Variants in SCN3A observed in about 807,000 individuals in gnomAD.
SCN3A encodes sodium voltage-gated channel alpha subunit 3.
In SCN3A, 60 loss-of-function variants were observed where a neutral mutation model predicts 187.6. The observed-to-expected ratio is 0.32, with a 90% CI of 0.26 to 0.40. The LOEUF is 0.40. Ranked by LOEUF, SCN3A falls within the 10% of genes least tolerant of loss-of-function variation. SCN3A has a pLI of 1.00. For synonymous variants in SCN3A, 788 were observed against 829.2 expected, an observed-to-expected ratio of 0.95 and a Z score of 0.85; for missense variants, 1,601 against 2,428.2, an observed-to-expected ratio of 0.66 and a Z score of 7.16.
At chr2:165,166,830 CTTCATAATGGGTATAA>C (rs1689788502) in intron 5 of SCN3A, among the ~76,000 whole-genome samples, 1 of 152,056 alleles carries the variant, frequency 6.6e-6, no homozygotes, top group Admixed American at 6.6e-5. Context: ...CTAAGACTGC[CTTCATAATGGGTATAA>C]TCATCTCTAA....
At chr2:165,191,855 ACATAG>A (rs1440704442) in intron 1 of SCN3A, among the ~76,000 whole-genome samples, 1 of 152,172 alleles carries the variant, frequency 6.6e-6, no homozygotes, top group Non-Finnish European at 1.5e-5. Flanking sequence ...CAGTACACGC[ACATAG>A]TAGTGCTCAA....
At position 165,127,859 on chromosome 2, in the gene SCN3A, A is replaced by C; in HGVS notation, c.3165T>G (p.Ile1055Met). The C allele has an allele frequency of 6.2e-7, 1 of 1,614,164 alleles. No homozygotes were observed. The highest frequency in any genetic ancestry group is 1.7e-5 in the Admixed American group (1 of 60,022). Residue 1055 changes from isoleucine (I) to methionine (M), a missense_variant, in exon 18 of 28, where the codon ATT becomes ATG. Around this residue, in one of 11 missense-constraint regions of SCN3A, gnomAD observed 267 missense variants for 313.2 expected, o/e 0.85. Coordinates refer to ENST00000283254, the MANE Select transcript of SCN3A (RefSeq NM_006922.4). The stretch of plus-strand genomic sequence containing the variant: ...GATAATTAAGCTCTTTGCTTATTTC[A>C]ATTCCAGTATTATTGGACATGCAGC... ...IDSCMSNNTG[I>M]EISKELNYLR...
At chr2:165,094,934 G>A (rs921273617) in intron 25 of SCN3A, among the ~76,000 whole-genome samples, 3 of 152,118 alleles carry the variant, frequency 2.0e-5, no homozygotes, top group Admixed American at 2.0e-4. Context: ...AGTGTATGTT[G>A]ATATGACAAA....
chr2:165,177,893 G>C (rs1457287609), intron 2 of SCN3A, among the ~76,000 whole-genome samples: 1 of 152,024 alleles, frequency 6.6e-6, no homozygotes, highest in Admixed American at 6.6e-5. Context: ...AATAAAATAA[G>C]TACATCAGTC....
Position 165,140,520 on chromosome 2 carries a change from A to G in SCN3A, c.2019+131T>C. On this transcript the variant is annotated intron_variant, in intron 13 of 27. Coordinates refer to ENST00000283254, the MANE Select transcript of SCN3A (RefSeq NM_006922.4). This position sits in a 1 kb window ranked among gnomAD's most constrained non-coding sequence, Gnocchi z 4.2. Reference sequence around the variant, plus strand: ...TCAATATTCTATTGTTTTCCCTTTGATTAATCATGTATTATTTTTACCAAC... The same window carrying G: ...TCAATATTCTATTGTTTTCCCTTTGGTTAATCATGTATTATTTTTACCAAC... The G allele has an allele frequency of 1.3e-6, 1 of 761,312 alleles. No individual in the cohort carries two copies. The highest frequency in any genetic ancestry group is 2.3e-6 in the Non-Finnish European group (1 of 433,720). 47.2% of individuals were successfully genotyped at this position (761,312 alleles called of 1,614,324 possible). A position where few individuals can be genotyped will look rare whatever the true frequency, so the allele number is the denominator to read the frequency against.
chr2:165,177,858 A>G (rs1359353580), intron 2 of SCN3A, among the ~76,000 whole-genome samples: 1 of 152,244 alleles, frequency 6.6e-6, no homozygotes, highest in Non-Finnish European at 1.5e-5. Flanking sequence ...CAAGATAGAT[A>G]GAATATAGAA....
chr2:165,168,415 C>T (rs1188740460), intron 5 of SCN3A, among the ~76,000 whole-genome samples: 1 of 151,900 alleles, frequency 6.6e-6, no homozygotes, highest in Admixed American at 6.6e-5. Context: ...CATCAAATTA[C>T]TGAACTGATC....
chr2:165,115,568 T>C lies in SCN3A; in HGVS notation c.3401A>G (p.Asn1134Ser). 1 of 1,613,872 alleles carries C rather than the reference T, an allele frequency of 6.2e-7. No individual in the cohort carries two copies. Among genetic ancestry groups the C allele is most frequent in the Non-Finnish European group, 8.5e-7 (1 of 1,179,826 alleles). Residue 1134 changes from asparagine (N) to serine (S), a missense_variant, in exon 19 of 28, where the codon AAT becomes AGT. Physicochemically the swap from Asn to Ser is conservative, Grantham distance 46. Transcript: ENST00000283254. ...SELEESKEKL[N>S]ATSSSEGSTV... is the part of the protein sequence containing the mutation. ...GCTTCCTTCAGATGAGCTGGTTGCA[T>C]TTAATTTCTGGAAACAAAATCCCAT...
Position 165,153,987 on chromosome 2 carries a change from A to ATTTTTTTTTTTTTTTTTT in SCN3A, c.1380+447_1380+464dup, listed in dbSNP as rs71393659. Among the ~76,000 whole-genome samples, 12 of 92,768 alleles carry ATTTTTTTTTTTTTTTTTT rather than the reference A, an allele frequency of 1.3e-4. 2 individuals carry two copies. Among genetic ancestry groups the ATTTTTTTTTTTTTTTTTT allele is most frequent in the African/African-American group, 5.2e-4 (11 of 21,258 alleles). The allele number at this position is 92,768 out of a possible 152,430, so 60.9% of individuals were successfully genotyped here. A position where few individuals can be genotyped will look rare whatever the true frequency, so the allele number is the denominator to read the frequency against. ...TATCCTGATGTGGGCTATAGCAAAC[A>ATTTTTTTTTTTTTTTTTT]TTTTTTTTTTTTTTTTTTTTTGCTA... is the stretch of plus-strand genomic sequence containing the variant. On this transcript the variant is annotated intron_variant, in intron 11 of 27. Transcript: ENST00000283254.
chr2:165,092,377 T>A lies in SCN3A; in HGVS notation c.4684A>T (p.Asn1562Tyr). 1.9e-6 allele frequency: 3 copies of A among 1,613,994 alleles called. No individual in the cohort carries two copies. The highest frequency in any genetic ancestry group is 2.5e-6 in the Non-Finnish European group (3 of 1,179,950). Residue 1562 changes from asparagine (N) to tyrosine (Y), a missense_variant, in exon 27 of 28, where the codon AAC becomes TAC. Asn to Tyr is a moderately radical substitution (Grantham distance 143). Transcript: ENST00000283254. The surrounding 1 kb of genome is among the most constrained non-coding windows in gnomAD (Gnocchi z 4.2). ...GTGAACAGAACAATGAACACTAGGT[T>A]GATCCGGGACAAAACTAGGGTCATG... ...KYMTLVLSRI[N>Y]LVFIVLFTGE... is the part of the protein sequence containing the mutation.
At chr2:165,197,032 A>G (rs957333455) in intron 1 of SCN3A, among the ~76,000 whole-genome samples, 11 of 152,264 alleles carry the variant, frequency 7.2e-5, no homozygotes, top group African/African-American at 2.6e-4. Context: ...TTAGCTTGCA[A>G]AATATACCAT....
chr2:165,096,317 G>C (rs1685362219), intron 24 of SCN3A, 150 bp downstream of exon 24: 1 of 635,780 alleles, frequency 1.6e-6, no homozygotes, highest in Admixed American at 2.6e-5. Context: ...CATTAATCAA[G>C]CATCATCTAT....
rs754912673 is a variant in SCN3A, at chr2:165,176,420, G to T, written c.-26C>A. 4 of 1,613,674 alleles carry T rather than the reference G, an allele frequency of 2.5e-6. No individual in the cohort carries two copies. The Admixed American group carries it at 5.0e-5, about 20-fold the overall frequency. On this transcript the variant is annotated 5_prime_UTR_variant, in exon 3 of 28. Transcript: ENST00000283254. ...CTTTTCATCCTGCACATTTAATTACGTGTAGCTTCTTGCATACGAATTACC... is the reference window on the plus strand; with the variant it reads ...CTTTTCATCCTGCACATTTAATTACTTGTAGCTTCTTGCATACGAATTACC...
rs1574199266 is a variant in SCN3A at position 165,140,696 on chromosome 2, A to C, written c.1974T>G (p.Gly658=). ...TAGGTGACGTTAGAGCTGAAGGTCC[A>C]CCCACCAAGGAAACCACACCATTGC... ...VDCNGVVSLV[G]GPSALTSPTG... The change falls in exon 13 of 28, where the codon GGT becomes GGG. Residue 658 remains glycine, a synonymous_variant. Coordinates refer to ENST00000283254, the MANE Select transcript of SCN3A (RefSeq NM_006922.4). This position sits in a 1 kb window ranked among gnomAD's most constrained non-coding sequence, Gnocchi z 4.2. 1 of 1,613,962 alleles carries C rather than the reference A, an allele frequency of 6.2e-7. No homozygotes were observed. Among genetic ancestry groups the C allele is most frequent in the Non-Finnish European group, 8.5e-7 (1 of 1,179,982 alleles).
intron 12 of SCN3A, among the ~76,000 whole-genome samples, chr2:165,143,287 C>A (rs1008813267): frequency 2.6e-5 from 4 of 152,078 alleles, no homozygotes; most frequent in Admixed American, 6.5e-5. Context: ...AGTATAATCA[C>A]CTCAATACAC....
intron 26 of SCN3A, chr2:165,093,940 T>A: frequency 5.1e-6 from 1 of 196,612 alleles, no homozygotes; most frequent in Non-Finnish European, 1.1e-5. Flanking sequence ...TGTTTTGGTG[T>A]ATTTGGTGAA....
intron 10 of SCN3A, among the ~76,000 whole-genome samples, 192 bp from the exon 11 acceptor site, chr2:165,154,850 A>C (rs773839148): frequency 3.3e-5 from 5 of 152,194 alleles, no homozygotes; most frequent in Non-Finnish European, 7.4e-5. Context: ...GCTTGACTGC[A>C]GTCTTGTTGG....
intron 22 of SCN3A, among the ~76,000 whole-genome samples, chr2:165,099,219 C>T (rs956252399): frequency 1.3e-5 from 2 of 152,132 alleles, no homozygotes; most frequent in South Asian, 2.1e-4. Context: ...TATCCACATG[C>T]ACTCACAAGC....
Position 165,170,412 on chromosome 2 carries a change from T to C in SCN3A, c.383+18A>G, listed in dbSNP as rs1484733784. Reference sequence around the variant, plus strand: ...ACTGTTAGAAATAGCATTTAGGCAATTCACATTAAAAGGATATGAATGTAC... The same window carrying C: ...ACTGTTAGAAATAGCATTTAGGCAACTCACATTAAAAGGATATGAATGTAC... On this transcript the variant is annotated intron_variant, in intron 4 of 27. Transcript: ENST00000283254. 1 of 1,330,430 alleles carries C rather than the reference T, an allele frequency of 7.5e-7. No homozygotes were observed. Among genetic ancestry groups the C allele is most frequent in the South Asian group, 1.2e-5 (1 of 84,930 alleles). 82.4% of individuals were successfully genotyped at this position (1,330,430 alleles called of 1,614,324 possible).
Sources: allele counts gnomAD v4.1 joint callset (sites outside exome capture counted in the v4.1 genomes callset), GRCh38; gene constraint gnomAD v4.1.1; regional missense constraint gnomAD v4.1.1; non-coding constraint Gnocchi (gnomAD v3.1); transcripts MANE v1.5; gene names NCBI Gene and HGNC (gene_info 2026-07-23, HGNC 2026-07-21).